The following NBEA variants were observed in gnomAD, a reference collection of about 807,000 sequenced individuals.
NBEA encodes lysosomal-trafficking regulator 2.
NBEA carries 44 observed loss-of-function variants against 343.4 expected under a neutral mutation model. The observed-to-expected ratio is 0.13, with a 90% CI of 0.10 to 0.16. The LOEUF (loss-of-function observed/expected upper bound fraction) is 0.16, where lower values mean the gene tolerates loss of function less well. NBEA is among the 10% of genes least tolerant of loss of function. The pLI is 1.00. For missense variants in NBEA, 2,555 were observed against 3,631.3 expected, an observed-to-expected ratio of 0.70 and a Z score of 7.62; for synonymous variants, 1,175 against 1,238.7, an observed-to-expected ratio of 0.95 and a Z score of 1.08.
chr13:35,343,337 A>G (rs569863487), intron 36 of NBEA, among the ~76,000 whole-genome samples: 27 of 152,266 alleles, frequency 1.8e-4, no homozygotes, highest in South Asian at 1.7e-3. Context: ...TTATCAAAAT[A>G]TCCAGGAGAC....
intron 18 of NBEA, among the ~76,000 whole-genome samples, chr13:35,154,442 T>G (rs533209081): frequency 2.0e-5 from 3 of 151,628 alleles, no homozygotes; most frequent in African/African-American, 7.2e-5. Context: ...AACAGGAAAT[T>G]AAATCACAGA....
At chr13:35,261,874 C>T (rs1300098878) in intron 34 of NBEA, among the ~76,000 whole-genome samples, 1 of 152,166 alleles carries the variant, frequency 6.6e-6, no homozygotes, top group African/African-American at 2.4e-5. Flanking sequence ...CCAAGAAATT[C>T]AGCTAACCAT....
chr13:35,251,338 C>T, intron 34 of NBEA: 1 of 1,006,416 alleles, frequency 9.9e-7, no homozygotes, highest in South Asian at 3.7e-5. Context: ...TGCCAGCTTC[C>T]TCACATCCTC....
chr13:35,251,284 C>G (rs1441421792), intron 34 of NBEA: 14 of 588,866 alleles, frequency 2.4e-5, no homozygotes, highest in Non-Finnish European at 2.9e-5. Flanking sequence ...GTAGCAGATT[C>G]ATAGTATGCC....
chr13:35,336,522 G>T (rs1044084482), intron 36 of NBEA, among the ~76,000 whole-genome samples: 47 of 152,024 alleles, frequency 3.1e-4, no homozygotes, highest in African/African-American at 1.0e-3. Flanking sequence ...CCCATTACTG[G>T]GTATATACCC....
At chr13:35,594,186 GT>G (rs1320888112) in intron 47 of NBEA, among the ~76,000 whole-genome samples, 1 of 151,902 alleles carries the variant, frequency 6.6e-6, no homozygotes, top group Non-Finnish European at 1.5e-5. Context: ...AGGTAAATGT[GT>G]TTCTTATTTT....
chr13:35,054,150 T>C (rs1425779949), intron 6 of NBEA, among the ~76,000 whole-genome samples: 5 of 152,148 alleles, frequency 3.3e-5, no homozygotes, highest in Non-Finnish European at 7.4e-5. Context: ...AGGCATTTAT[T>C]CGTGTCTCTT....
At chr13:35,297,811 GTGA>G (rs2036235348) in intron 35 of NBEA, among the ~76,000 whole-genome samples, 1 of 151,786 alleles carries the variant, frequency 6.6e-6, no homozygotes, top group Non-Finnish European at 1.5e-5. Context: ...ATTAGCTAAG[GTGA>G]TTTGTTATTT....
chr13:35,646,382 C>A (rs1300305639), intron 51 of NBEA, 34 bp downstream of exon 51: 6 of 1,501,282 alleles, frequency 4.0e-6, no homozygotes, highest in Middle Eastern at 1.7e-4. Context: ...ATTTTTTTTT[C>A]TTTCCTTTTT....
At chr13:35,040,891 C>A in intron 1 of NBEA, 42 bp from the exon 2 acceptor site, 2 of 1,507,014 alleles carry the variant, frequency 1.3e-6, no homozygotes, top group Non-Finnish European at 9.2e-7. Flanking sequence ...TCATCGATAA[C>A]CTCCCATGTT....
At chr13:35,366,108 A>T (rs931372986) in intron 38 of NBEA, among the ~76,000 whole-genome samples, 4 of 151,624 alleles carry the variant, frequency 2.6e-5, no homozygotes, top group African/African-American at 9.7e-5. Context: ...CCTTTGGAAT[A>T]TAGAGAAGTG....
intron 47 of NBEA, among the ~76,000 whole-genome samples, chr13:35,603,471 G>T (rs2082147393): frequency 6.6e-6 from 1 of 152,098 alleles, no homozygotes; most frequent in Non-Finnish European, 1.5e-5. Context: ...CAGTGAAATT[G>T]CATTGTAGTG....
intron 38 of NBEA, among the ~76,000 whole-genome samples, chr13:35,404,012 A>G (rs562984403): frequency 1.3e-5 from 1 of 77,128 alleles, no homozygotes; most frequent in Admixed American, 1.6e-4. Flanking sequence ...GCTCATCATC[A>G]CTGGCCATCA....
rs566437725 is a variant in NBEA, at chr13:35,157,951, G to C, written c.2844+681G>C. Reference sequence around the variant, plus strand: ...ACTCATTAAGTCTTCTTGAACACGAGTTAGAAAAAAATGTTTAAAAGGATA... The same window carrying C: ...ACTCATTAAGTCTTCTTGAACACGACTTAGAAAAAAATGTTTAAAAGGATA... On this transcript the variant is annotated intron_variant, in intron 21 of 58. Transcript: ENST00000379939. 5.3e-5 allele frequency among the ~76,000 whole-genome samples: 8 copies of C among 152,186 alleles called. No homozygotes were observed. The South Asian group carries it at 1.7e-3, about 32-fold the overall frequency.
At chr13:35,263,328 A>T (rs1446089304) in intron 34 of NBEA, among the ~76,000 whole-genome samples, 1 of 152,188 alleles carries the variant, frequency 6.6e-6, no homozygotes, top group Non-Finnish European at 1.5e-5. Context: ...GCAATCCAAT[A>T]ATTGTAGCAG....
chr13:35,193,383 A>G (rs1689674469), intron 30 of NBEA, among the ~76,000 whole-genome samples: 1 of 151,950 alleles, frequency 6.6e-6, no homozygotes, highest in South Asian at 2.1e-4. Context: ...AGATATAAAT[A>G]TCTTAGAGAT....
At chr13:35,083,366 C>T (rs968657063) in intron 10 of NBEA, among the ~76,000 whole-genome samples, 5 of 151,818 alleles carry the variant, frequency 3.3e-5, no homozygotes, top group African/African-American at 4.8e-5. Flanking sequence ...CCTCCAGGGT[C>T]GGGTTACCCA....
In NBEA at chr13:35,338,889, G is replaced by A. The variant is rs149914899; in HGVS notation, c.5904-10219G>A. On this transcript the variant is annotated intron_variant, in intron 36 of 58. Transcript: ENST00000379939. ...TACACCATATTGCTGAAATGACTGG[G>A]AGAAAAACACATGATCACATCTTAA... 8.8e-3 allele frequency among the ~76,000 whole-genome samples: 1,331 copies of A among 152,102 alleles called. 19 individuals are homozygous for A. Among genetic ancestry groups the A allele is most frequent in the Non-Finnish European group, 0.012 (840 of 67,978 alleles).
At chr13:35,012,721 G>T (rs1448842992) in intron 1 of NBEA, among the ~76,000 whole-genome samples, 2 of 152,164 alleles carry the variant, frequency 1.3e-5, no homozygotes, top group African/African-American at 4.8e-5. Context: ...ATAAAACAAT[G>T]GTTATATAGT....
Sources: allele counts gnomAD v4.1 joint callset (sites outside exome capture counted in the v4.1 genomes callset), GRCh38; gene constraint gnomAD v4.1.1; transcripts MANE v1.5; gene names NCBI Gene and HGNC (gene_info 2026-07-23, HGNC 2026-07-21).